MTF1: variants seen among roughly 807,000 people sequenced by gnomAD.
MTF1 encodes the protein MRE-binding transcription factor.
In MTF1, 22 loss-of-function variants were observed where a neutral mutation model predicts 70.4. The observed-to-expected ratio is 0.31, with a 90% CI of 0.22 to 0.45. MTF1 has a LOEUF of 0.45. Ranked by LOEUF, MTF1 falls within the 20% of genes least tolerant of loss-of-function variation. The pLI is 1.00. For missense variants in MTF1, 649 were observed against 922.0 expected (o/e 0.70, Z 3.83); for synonymous variants, 333 against 352.8 (o/e 0.94, Z 0.63).
chr1:37,824,848 C>A (rs954172134), intron 7 of MTF1, among the ~76,000 whole-genome samples: 3 of 151,996 alleles, frequency 2.0e-5, no homozygotes, highest in Non-Finnish European at 4.4e-5. Context: ...AATAGTGATA[C>A]CTTTATACTT....
intron 7 of MTF1, among the ~76,000 whole-genome samples, chr1:37,826,865 G>C (rs1006427282): frequency 3.0e-4 from 45 of 152,070 alleles, no homozygotes; most frequent in African/African-American, 1.1e-3. Context: ...TCAAATCCTA[G>C]CTACTCGGGA....
At chr1:37,852,983 A>G (rs1032904126) in intron 2 of MTF1, among the ~76,000 whole-genome samples, 1 of 152,194 alleles carries the variant, frequency 6.6e-6, no homozygotes, top group African/African-American at 2.4e-5. Flanking sequence ...TCAAACTCCA[A>G]TAACACGTAC....
At chr1:37,834,713 T>C in intron 6 of MTF1, 2 of 470,292 alleles carry the variant, frequency 4.3e-6, no homozygotes, top group Non-Finnish European at 4.2e-6. Flanking sequence ...GGATTCTAGA[T>C]AAATTATCAA....
At chr1:37,839,838 ACTC>A in intron 3 of MTF1, 79 bp downstream of exon 3, 1 of 1,102,872 alleles carries the variant, frequency 9.1e-7, no homozygotes, top group Non-Finnish European at 1.4e-6. Context: ...AGTGAAAACA[ACTC>A]CTCTGCAAGG....
chr1:37,815,482 C>T lies in MTF1; in HGVS notation c.1916G>A (p.Arg639Gln), dbSNP rs1447608451. The T allele has an allele frequency of 5.7e-6, 9 of 1,583,658 alleles. No individual in the cohort carries two copies. The highest frequency in any genetic ancestry group is 2.7e-5 in the African/African-American group (2 of 73,800). ...GGATGCCCGCTCCTTTGCAGAGTCC[C>T]GGCATGCACACTGACACTGACATGC... ...EEACQCQCAC[R>Q]DSAKERASSR... The change falls in exon 11 of 11, where the codon CGG becomes CAG. Residue 639 changes from arginine to glutamine, a missense_variant. Transcript: ENST00000373036. The surrounding 1 kb of genome is among the most constrained non-coding windows in gnomAD (Gnocchi z 4.5).
rs527899281 is a variant in MTF1 at position 37,839,753 on chromosome 1, T to C, written c.647+167A>G. 2.0e-5 allele frequency among the ~76,000 whole-genome samples: 3 copies of C among 152,392 alleles called. No individual in the cohort carries two copies. The East Asian group carries it at 5.8e-4, about 29-fold the overall frequency. ...TCTCTAATGCATTTTTAAATTTTTT[T>C]CTTTCATTTTCTGAGATCTGGCAGA... On this transcript the variant is annotated intron_variant, in intron 3 of 10. Coordinates refer to ENST00000373036, the MANE Select transcript of MTF1 (RefSeq NM_005955.3).
At chr1:37,824,394 T>C (rs1244948895) in intron 7 of MTF1, among the ~76,000 whole-genome samples, 4 of 152,160 alleles carry the variant, frequency 2.6e-5, no homozygotes, top group African/African-American at 9.7e-5. Context: ...GACCAAATCT[T>C]ACATTAAAAA....
chr1:37,839,244 G>T (rs1007278843), intron 3 of MTF1, among the ~76,000 whole-genome samples: 7 of 152,246 alleles, frequency 4.6e-5, no homozygotes, highest in African/African-American at 1.7e-4. Flanking sequence ...ATAGCACAGT[G>T]GTATGAGTGT....
chr1:37,833,488 G>C (rs2148409769), intron 6 of MTF1, among the ~76,000 whole-genome samples: 1 of 152,278 alleles, frequency 6.6e-6, no homozygotes, highest in Non-Finnish European at 1.5e-5. Flanking sequence ...TCACACTTTA[G>C]GTGGTAGCCC....
chr1:37,824,683 G>A (rs1248475646), intron 7 of MTF1, among the ~76,000 whole-genome samples: 2 of 152,116 alleles, frequency 1.3e-5, no homozygotes, highest in Admixed American at 1.3e-4. Context: ...GGGCGACAGA[G>A]CAAGACTCCG....
intron 10 of MTF1, 38 bp downstream of exon 10, chr1:37,817,381 G>A: frequency 7.6e-7 from 1 of 1,322,116 alleles, no homozygotes; most frequent in East Asian, 2.3e-5. Context: ...GGGACCCACA[G>A]AGTTGCCTTC....
chr1:37,840,211 A>C lies in MTF1; in HGVS notation c.409-53T>G. On this transcript the variant is annotated intron_variant, in intron 2 of 10. Coordinates refer to ENST00000373036, the MANE Select transcript of MTF1 (RefSeq NM_005955.3). The surrounding 1 kb of genome is among the most constrained non-coding windows in gnomAD (Gnocchi z 4.5). Reference sequence around the variant, plus strand: ...AGGACAAAAATGCTGCCCAGGGCTTAACTCCCCCACCCAGAGCTCAGCTCC... The same window carrying C: ...AGGACAAAAATGCTGCCCAGGGCTTCACTCCCCCACCCAGAGCTCAGCTCC... 6.6e-7 allele frequency: 1 copy of C among 1,517,420 alleles called. No individual in the cohort carries two copies. The highest frequency in any genetic ancestry group is 9.1e-7 in the Non-Finnish European group (1 of 1,094,786). 94.0% of individuals were successfully genotyped at this position (1,517,420 alleles called of 1,614,324 possible).
At chr1:37,816,410 C>T (rs1260392173) in intron 10 of MTF1, among the ~76,000 whole-genome samples, 2 of 151,980 alleles carry the variant, frequency 1.3e-5, no homozygotes, top group Non-Finnish European at 2.9e-5. Context: ...CGTGGTGGCT[C>T]ATGCCTATAA....
At chr1:37,828,132 G>A (rs1453928249) in intron 7 of MTF1, 1 of 390,096 alleles carries the variant, frequency 2.6e-6, no homozygotes, top group Non-Finnish European at 4.9e-6. Flanking sequence ...GAGAAGAAAA[G>A]CCACACATAA....
rs751957771 is a variant in MTF1, at chr1:37,857,650, T to C, written c.9A>G (p.Glu3=). 51 of 1,613,622 alleles carry C rather than the reference T, an allele frequency of 3.2e-5. No individual in the cohort carries two copies. Among genetic ancestry groups the C allele is most frequent in the Middle Eastern group, 1.6e-4 (1 of 6,084 alleles). ...AGATGATGTTGTTGTCTGGACTGTG[T>C]TCCCCCATGGTTCAGTTGTGCTCAG... MG[E]HSPDNNIIYF... The change falls in exon 2 of 11, where the codon GAA becomes GAG. Residue 3 remains glutamate, a synonymous_variant. Coordinates refer to ENST00000373036, the MANE Select transcript of MTF1 (RefSeq NM_005955.3).
intron 2 of MTF1, chr1:37,841,161 G>A: frequency 6.3e-6 from 1 of 158,512 alleles, no homozygotes; most frequent in Non-Finnish European, 1.4e-5. Flanking sequence ...ACCCGCGCTG[G>A]CCAGCACACC....
intron 2 of MTF1, among the ~76,000 whole-genome samples, chr1:37,844,370 C>G (rs944305410): frequency 2.6e-5 from 4 of 152,184 alleles, no homozygotes; most frequent in Admixed American, 1.3e-4. Flanking sequence ...TTAACGCGAG[C>G]CTCAGGAACT....
chr1:37,830,667 AATGAT>A (rs1284430194), intron 7 of MTF1, among the ~76,000 whole-genome samples: 1 of 152,212 alleles, frequency 6.6e-6, no homozygotes, highest in Non-Finnish European at 1.5e-5. Context: ...GAACACTACA[AATGAT>A]ATATTTTAGA....
chr1:37,832,110 A>G lies in MTF1; in HGVS notation c.1068+135T>C, dbSNP rs536187529. On this transcript the variant is annotated intron_variant, in intron 7 of 10. Coordinates refer to ENST00000373036, the MANE Select transcript of MTF1 (RefSeq NM_005955.3). ...AGAACTCTTATCAGAAGAAGAAAAAATCCTACATGGTCAGTAATTAAACAC... is the reference window on the plus strand; with the variant it reads ...AGAACTCTTATCAGAAGAAGAAAAAGTCCTACATGGTCAGTAATTAAACAC... The G allele has an allele frequency of 2.3e-5, 14 of 596,770 alleles. No homozygotes were observed. The East Asian group carries it at 3.8e-4, about 16-fold the overall frequency. 37.0% of individuals were successfully genotyped at this position (596,770 alleles called of 1,614,324 possible). A position where few individuals can be genotyped will look rare whatever the true frequency, so the allele number is the denominator to read the frequency against.
Sources: gnomAD v4.1 joint callset for allele counts (sites outside exome capture counted in the v4.1 genomes callset) on GRCh38, gnomAD v4.1.1 for gene constraint, Gnocchi (gnomAD v3.1) non-coding constraint, MANE v1.5 for transcripts, NCBI Gene and HGNC (gene_info 2026-07-23, HGNC 2026-07-21) for gene names.